Variants in BAIAP2 observed in about 807,000 individuals in gnomAD.
BAIAP2 encodes the protein BAR/IMD domain containing adaptor protein 2, also known as BAR/IMD domain-containing adapter protein 2.
A neutral mutation model predicts 63.0 loss-of-function variants in BAIAP2; 18 were observed. The observed-to-expected ratio is 0.29, with a 90% confidence interval of 0.20 to 0.42. The LOEUF (loss-of-function observed/expected upper bound fraction) is 0.42, where lower values mean the gene tolerates loss of function less well. Ranked by LOEUF, BAIAP2 falls within the 10% of genes least tolerant of loss-of-function variation. The pLI, the probability that BAIAP2 is intolerant of heterozygous loss-of-function variation, is 1.00. For synonymous variants in BAIAP2, 386 were observed against 307.6 expected, an observed-to-expected ratio of 1.25 and a Z score of -2.67; for missense variants, 610 against 734.3, an observed-to-expected ratio of 0.83 and a Z score of 1.96.
chr17:81,082,328 G>T (rs1056547978), intron 3 of BAIAP2, among the ~76,000 whole-genome samples: 2 of 152,246 alleles, frequency 1.3e-5, no homozygotes, highest in African/African-American at 4.8e-5. Flanking sequence ...GCACACATAT[G>T]TGATACCTCC....
At chr17:81,111,954 G>GC (rs1000118436) in intron 13 of BAIAP2, among the ~76,000 whole-genome samples, 1 of 152,256 alleles carries the variant, frequency 6.6e-6, no homozygotes, top group Non-Finnish European at 1.5e-5. Context: ...GGGCAGCCAG[G>GC]CCACAGGCAG....
intron 13 of BAIAP2, chr17:81,109,050 C>A: frequency 6.6e-7 from 1 of 1,520,146 alleles, no homozygotes; most frequent in South Asian, 1.2e-5. Context: ...CGCCTTCCCC[C>A]TGGTCTCGTC....
chr17:81,092,333 C>T lies in BAIAP2; in HGVS notation c.489+5753C>T, dbSNP rs544503811. On this transcript the variant is annotated intron_variant, in intron 6 of 13. Transcript: ENST00000428708. ...GATGCGCACTGCCCGCCTCCACTGC[C>T]GGGCTCATTGTGTGGCAGCGGCCAG... 5.3e-5 allele frequency among the ~76,000 whole-genome samples: 8 copies of T among 152,334 alleles called. No homozygotes were observed. The South Asian group carries it at 8.3e-4, about 16-fold the overall frequency.
intron 3 of BAIAP2, 47 bp from the exon 4 acceptor site, chr17:81,084,785 G>A: frequency 2.5e-6 from 4 of 1,591,566 alleles, no homozygotes; most frequent in Non-Finnish European, 3.4e-6. Flanking sequence ...GGTGGTGACT[G>A]CGAGCACCTG....
At chr17:81,049,762 C>A (rs1403865441) in intron 1 of BAIAP2, among the ~76,000 whole-genome samples, 3 of 152,212 alleles carry the variant, frequency 2.0e-5, no homozygotes, top group East Asian at 1.9e-4. Context: ...ACCTGGGGAC[C>A]CCCAGGCACT....
chr17:81,035,698 GGGCAGGGCCGGGGC>G (rs2046140205), intron 1 of BAIAP2, among the ~76,000 whole-genome samples: 2 of 151,132 alleles, frequency 1.3e-5, no homozygotes, highest in South Asian at 4.1e-4. Context: ...TAGCACACCC[GGGCAGGGCCGGGGC>G]GGCGGGGGCG....
At chr17:81,103,327 G>A (rs540934345) in intron 7 of BAIAP2, among the ~76,000 whole-genome samples, 175 bp from the exon 8 acceptor site, 4 of 152,332 alleles carry the variant, frequency 2.6e-5, no homozygotes, top group East Asian at 1.9e-4. Context: ...ACCGGCAGCC[G>A]CTTCTGTGGG....
At chr17:81,078,936 A>G (rs2054153319) in intron 3 of BAIAP2, among the ~76,000 whole-genome samples, 1 of 151,944 alleles carries the variant, frequency 6.6e-6, no homozygotes. Context: ...GTGGGGTGAT[A>G]GTCCCATGCT....
At chr17:81,070,522 G>A (rs1479911483) in intron 3 of BAIAP2, among the ~76,000 whole-genome samples, 3 of 152,216 alleles carry the variant, frequency 2.0e-5, no homozygotes, top group African/African-American at 7.2e-5. Context: ...TTTGGAGGGA[G>A]GAGAGAGGCA....
chr17:81,082,291 C>T (rs979945045), intron 3 of BAIAP2, among the ~76,000 whole-genome samples: 1 of 152,150 alleles, frequency 6.6e-6, no homozygotes, highest in Admixed American at 6.5e-5. Context: ...CATAGGTAGA[C>T]ATGCACGCAC....
chr17:81,111,336 G>A (rs932347578), intron 13 of BAIAP2, among the ~76,000 whole-genome samples: 4 of 152,232 alleles, frequency 2.6e-5, no homozygotes, highest in Non-Finnish European at 4.4e-5. Context: ...GACTCGCAGC[G>A]CCAGCTTGGG....
chr17:81,108,997 G>A (rs761327056), intron 13 of BAIAP2: 4 of 1,547,664 alleles, frequency 2.6e-6, no homozygotes, highest in South Asian at 1.2e-5. Context: ...TCCACAGTGT[G>A]AGGACGCTGA....
rs537718353 is a variant in BAIAP2 at position 81,043,626 on chromosome 17, G to A, written c.54+8318G>A. On this transcript the variant is annotated intron_variant, in intron 1 of 13. Transcript: ENST00000428708. Reference sequence around the variant, plus strand: ...CACTGGAGCGTCCTGGCACCCGGGAGGCCCTGCCACTGTGCACACCGGACA... The same window carrying A: ...CACTGGAGCGTCCTGGCACCCGGGAAGCCCTGCCACTGTGCACACCGGACA... 3.6e-3 allele frequency among the ~76,000 whole-genome samples: 543 copies of A among 152,356 alleles called. 4 individuals carry two copies. Among genetic ancestry groups the A allele is most frequent in the African/African-American group, 0.013 (522 of 41,584 alleles).
At chr17:81,084,534 G>A (rs1018506894) in intron 3 of BAIAP2, among the ~76,000 whole-genome samples, 5 of 152,146 alleles carry the variant, frequency 3.3e-5, no homozygotes, top group African/African-American at 4.8e-5. Flanking sequence ...TCACTGTCAC[G>A]CCTGGGGTGA....
intron 13 of BAIAP2, chr17:81,109,893 G>A (rs1277684535): frequency 1.0e-6 from 1 of 985,362 alleles, no homozygotes; most frequent in Non-Finnish European, 1.2e-6. Context: ...AGGGTGTGCG[G>A]GCCGGGCCCG....
At chr17:81,067,255 G>C (rs1157141867) in intron 3 of BAIAP2, among the ~76,000 whole-genome samples, 1 of 152,252 alleles carries the variant, frequency 6.6e-6, no homozygotes, top group Non-Finnish European at 1.5e-5. Context: ...AGGATGCTTG[G>C]GAAGGACGCT....
intron 3 of BAIAP2, among the ~76,000 whole-genome samples, chr17:81,066,170 T>C (rs1209977586): frequency 6.6e-6 from 1 of 152,258 alleles, no homozygotes; most frequent in Non-Finnish European, 1.5e-5. Context: ...AAGAGGCCGC[T>C]GTGTACCCGC....
At chr17:81,080,135 T>C (rs934187662) in intron 3 of BAIAP2, among the ~76,000 whole-genome samples, 1 of 152,216 alleles carries the variant, frequency 6.6e-6, no homozygotes, top group Non-Finnish European at 1.5e-5. Flanking sequence ...CTTAGGGTCT[T>C]GGCATTCCTT....
chr17:81,049,090 C>T (rs1313465303), intron 1 of BAIAP2, among the ~76,000 whole-genome samples: 5 of 152,238 alleles, frequency 3.3e-5, no homozygotes, highest in East Asian at 3.9e-4. Context: ...GGCCCGGGAA[C>T]GCGGCCCAGG....
Sources: allele counts gnomAD v4.1 joint callset (sites outside exome capture counted in the v4.1 genomes callset), GRCh38; gene constraint gnomAD v4.1.1; transcripts MANE v1.5; gene names NCBI Gene and HGNC (gene_info 2026-07-23, HGNC 2026-07-21).